The following ANKS1B variants were observed in gnomAD, a reference collection of about 807,000 sequenced individuals.
The protein encoded by ANKS1B is ankyrin repeat and sterile alpha motif domain containing 1B.
A neutral mutation model predicts 148.3 loss-of-function variants in ANKS1B; 36 were observed. The ratio of observed to expected loss-of-function variants is 0.24; its 90% confidence interval spans 0.19 to 0.32. The LOEUF is 0.32. Among genes scored for constraint, ANKS1B ranks in the 10% least tolerant of loss-of-function variants. The probability of loss-of-function intolerance (pLI) is 1.00; values close to 1 mark genes in which losing one functional copy is unlikely to be tolerated. For missense variants in ANKS1B, 1,157 were observed against 1,542.6 expected (o/e 0.75, Z 4.19); for synonymous variants, 542 against 560.8 (o/e 0.97, Z 0.47).
At chr12:99,795,379 GA>G (rs2066127758) in intron 4 of ANKS1B, among the ~76,000 whole-genome samples, 1 of 151,462 alleles carries the variant, frequency 6.6e-6, no homozygotes, top group Non-Finnish European at 1.5e-5. Context: ...TGTGACAAGA[GA>G]AAAAAAATCT....
intron 12 of ANKS1B, among the ~76,000 whole-genome samples, chr12:99,303,314 C>A (rs772024994): frequency 1.3e-5 from 2 of 152,138 alleles, no homozygotes; most frequent in Admixed American, 6.6e-5. Context: ...ACTTACTTTT[C>A]TGTTTCAAGG....
At chr12:99,581,758 G>T (rs2097571829) in intron 9 of ANKS1B, among the ~76,000 whole-genome samples, 1 of 151,804 alleles carries the variant, frequency 6.6e-6, no homozygotes, top group South Asian at 2.1e-4. Context: ...GGGCGCGGTG[G>T]CGGGCGCCTG....
rs1459110898 is a variant in ANKS1B at position 99,467,473 on chromosome 12, C to G, written c.1439-23664G>C. ...GCAGGAGAAGGAAATAAAGGGTATT[C>G]GATTAGGAAAAGAGGAAGTCAAATT... On this transcript the variant is annotated intron_variant, in intron 10 of 26. Coordinates refer to ENST00000683438, the MANE Select transcript of ANKS1B (RefSeq NM_001352186.2). 2.6e-5 allele frequency among the ~76,000 whole-genome samples: 4 copies of G among 152,150 alleles called. No individual in the cohort carries two copies. In the East Asian group the frequency reaches 5.8e-4, roughly 22 times the overall value.
At chr12:99,924,294 ATTAAT>A (rs1330875698) in intron 1 of ANKS1B, among the ~76,000 whole-genome samples, 11 of 149,838 alleles carry the variant, frequency 7.3e-5, no homozygotes, top group African/African-American at 2.5e-4. Context: ...TGTATTACAG[ATTAAT>A]TTATTATTCA....
At chr12:99,635,802 A>G (rs1045130560) in intron 9 of ANKS1B, among the ~76,000 whole-genome samples, 3 of 152,164 alleles carry the variant, frequency 2.0e-5, no homozygotes, top group Non-Finnish European at 4.4e-5. Flanking sequence ...GTAATTATGC[A>G]AATGTAACAT....
chr12:99,381,841 C>G (rs1034911404), intron 12 of ANKS1B, among the ~76,000 whole-genome samples: 1 of 152,172 alleles, frequency 6.6e-6, no homozygotes, highest in Non-Finnish European at 1.5e-5. Flanking sequence ...GATGATTATG[C>G]TCTTAACTAA....
chr12:98,883,461 A>T (rs1166395275), intron 17 of ANKS1B, among the ~76,000 whole-genome samples: 1 of 152,198 alleles, frequency 6.6e-6, no homozygotes, highest in Non-Finnish European at 1.5e-5. Context: ...ACAAACAGAG[A>T]CTGTTTTGTG....
chr12:98,976,065 A>C (rs2099895160), intron 17 of ANKS1B, among the ~76,000 whole-genome samples: 2 of 152,388 alleles, frequency 1.3e-5, no homozygotes, highest in South Asian at 4.1e-4. Context: ...TTATGTGCTT[A>C]AAGTGAAAAC....
At chr12:99,234,361 C>A (rs2087461920) in intron 14 of ANKS1B, among the ~76,000 whole-genome samples, 1 of 152,104 alleles carries the variant, frequency 6.6e-6, no homozygotes, top group South Asian at 2.1e-4. Context: ...TTTATGCTCT[C>A]TTTTAGTAAC....
chr12:99,979,503 A>G (rs1049737494), intron 1 of ANKS1B, among the ~76,000 whole-genome samples: 1 of 152,146 alleles, frequency 6.6e-6, no homozygotes, highest in Admixed American at 6.5e-5. Flanking sequence ...GAAGGGATAA[A>G]CAAATAACTT....
chr12:98,903,692 G>C (rs2099775195), intron 17 of ANKS1B, among the ~76,000 whole-genome samples: 1 of 152,202 alleles, frequency 6.6e-6, no homozygotes, highest in African/African-American at 2.4e-5. Context: ...TTTTACTTCA[G>C]CCACTTGGAG....
At chr12:98,921,834 T>C (rs1404802904) in intron 17 of ANKS1B, among the ~76,000 whole-genome samples, 1 of 152,226 alleles carries the variant, frequency 6.6e-6, no homozygotes, top group Non-Finnish European at 1.5e-5. Flanking sequence ...ATTAATAGCA[T>C]AGAATTGTCC....
At chr12:99,285,103 T>C (rs940226020) in intron 12 of ANKS1B, among the ~76,000 whole-genome samples, 1 of 152,172 alleles carries the variant, frequency 6.6e-6, no homozygotes, top group African/African-American at 2.4e-5. Context: ...CCTTTTGTAA[T>C]TTCTCACTCA....
At chr12:99,455,129 T>C (rs1478453155) in intron 10 of ANKS1B, among the ~76,000 whole-genome samples, 1 of 152,170 alleles carries the variant, frequency 6.6e-6, no homozygotes, top group Non-Finnish European at 1.5e-5. Context: ...GTTGTACTCT[T>C]AGTGGTCCCT....
chr12:99,807,084 T>C (rs2067716245), intron 3 of ANKS1B, among the ~76,000 whole-genome samples: 1 of 152,208 alleles, frequency 6.6e-6, no homozygotes, highest in Non-Finnish European at 1.5e-5. Context: ...AGACTTTTAA[T>C]AGACTGGCTT....
At chr12:99,332,716 T>C (rs1033348198) in intron 12 of ANKS1B, among the ~76,000 whole-genome samples, 3 of 151,914 alleles carry the variant, frequency 2.0e-5, no homozygotes, top group African/African-American at 7.3e-5. Context: ...TTTTTCTTTT[T>C]TCCAGGTGGA....
chr12:99,182,952 A>G (rs2079305905), intron 14 of ANKS1B, among the ~76,000 whole-genome samples: 2 of 152,136 alleles, frequency 1.3e-5, no homozygotes, highest in African/African-American at 4.8e-5. Context: ...TGCCATATAT[A>G]TGTCTTCTTT....
At chr12:99,688,157 T>G (rs2098659998) in intron 8 of ANKS1B, among the ~76,000 whole-genome samples, 2 of 152,184 alleles carry the variant, frequency 1.3e-5, no homozygotes, top group Admixed American at 1.3e-4. Context: ...CTGTGGGAGC[T>G]CTGAGAACCG....
At chr12:99,285,261 T>C (rs1330749954) in intron 12 of ANKS1B, among the ~76,000 whole-genome samples, 1 of 152,230 alleles carries the variant, frequency 6.6e-6, no homozygotes, top group Non-Finnish European at 1.5e-5. Flanking sequence ...CATAGTTATT[T>C]TGATATTTAT....
Sources: allele counts gnomAD v4.1 joint callset (sites outside exome capture counted in the v4.1 genomes callset), GRCh38; gene constraint gnomAD v4.1.1; transcripts MANE v1.5; gene names NCBI Gene and HGNC (gene_info 2026-07-23, HGNC 2026-07-21).